Variants in PDXDC1 observed in about 807,000 individuals in gnomAD.
PDXDC1 encodes pyridoxal-dependent decarboxylase domain-containing protein 1.
PDXDC1 carries 42 observed loss-of-function variants against 100.1 expected under a neutral mutation model. The observed-to-expected ratio is 0.42, with a 90% CI of 0.33 to 0.54. The LOEUF (loss-of-function observed/expected upper bound fraction) is 0.54. Among genes scored for constraint, PDXDC1 ranks in the 20% least tolerant of loss-of-function variants. The probability of loss-of-function intolerance (pLI) is 0.10; values close to 1 mark genes in which losing one functional copy is unlikely to be tolerated. For synonymous variants in PDXDC1, 260 were observed against 371.7 expected (o/e 0.70, Z 3.46); for missense variants, 636 against 979.2 (o/e 0.65, Z 4.68).
intron 16 of PDXDC1, among the ~76,000 whole-genome samples, chr16:15,071,505 C>T (rs548278452): frequency 3.3e-5 from 5 of 152,320 alleles, no homozygotes; most frequent in East Asian, 1.9e-4. Context: ...CAGTGGCTCA[C>T]GCCTGTAATC....
rs889051470 is a variant in PDXDC1 at position 15,036,944 on chromosome 16, C to T, written c.*669C>T. 1.3e-5 allele frequency: 2 copies of T among 152,538 alleles called. No individual in the cohort carries two copies. Among genetic ancestry groups the T allele is most frequent in the Non-Finnish European group, 2.9e-5 (2 of 68,304 alleles). 9.4% of individuals were successfully genotyped at this position (152,538 alleles called of 1,614,324 possible). On this transcript the variant is annotated 3_prime_UTR_variant, in exon 23 of 23. Coordinates refer to ENST00000396410, the MANE Select transcript of PDXDC1 (RefSeq NM_015027.4). ...TTTGTAAAGAGAAACTGTAAAGTCT[C>T]CTCCTGACCATATATTTTTAAATAC...
At chr16:15,039,106 A>C (rs994093157), downstream of PDXDC1, among the ~76,000 whole-genome samples, 2 of 152,224 alleles carry the variant, frequency 1.3e-5, no homozygotes, top group Non-Finnish European at 2.9e-5. Flanking sequence ...AAAAGCATAC[A>C]GTGCCTGCTG....
intron 14 of PDXDC1, among the ~76,000 whole-genome samples, chr16:15,027,493 A>G (rs1233711111): frequency 6.6e-6 from 1 of 152,266 alleles, no homozygotes; most frequent in Non-Finnish European, 1.5e-5. Context: ...AATGTATCCC[A>G]GGTTCTTGTC....
chr16:15,073,338 T>TC (rs1282239467), intron 16 of PDXDC1, among the ~76,000 whole-genome samples: 1 of 152,142 alleles, frequency 6.6e-6, no homozygotes, highest in Non-Finnish European at 1.5e-5. Flanking sequence ...ACGCCTGTGA[T>TC]CCCAGCTACA....
Position 15,038,309 on chromosome 16 carries a change from A to G in PDXDC1, c.*2034A>G. The G allele has an allele frequency of 1.2e-6, 1 of 847,804 alleles. No individual in the cohort carries two copies. The allele number at this position is 847,804 out of a possible 1,614,324, so 52.5% of individuals were successfully genotyped here. A position where few individuals can be genotyped will look rare whatever the true frequency, so the allele number is the denominator to read the frequency against. ...TCTTTGTTCTTGGACACAAATATAT[A>G]TAATAAAATACGTTAAGAAATGAGG... On this transcript the variant is annotated 3_prime_UTR_variant, in exon 23 of 23. Coordinates refer to ENST00000396410, the MANE Select transcript of PDXDC1 (RefSeq NM_015027.4).
chr16:15,010,961 A>G (rs1182465327), intron 8 of PDXDC1, among the ~76,000 whole-genome samples: 2 of 152,302 alleles, frequency 1.3e-5, no homozygotes, highest in African/African-American at 2.4e-5. Context: ...GATATGCCAT[A>G]CACACGGGTT....
At chr16:15,041,355 C>G (rs983531791), downstream of PDXDC1, among the ~76,000 whole-genome samples, 6 of 152,110 alleles carry the variant, frequency 3.9e-5, no homozygotes, top group Non-Finnish European at 7.3e-5. Context: ...CTTCTCTGTG[C>G]ACCCTGTCTG....
At chr16:15,144,293 T>C (rs939288711), downstream of PDXDC1, among the ~76,000 whole-genome samples, 1 of 152,174 alleles carries the variant, frequency 6.6e-6, no homozygotes, top group Non-Finnish European at 1.5e-5. Flanking sequence ...CTCTGCGCTG[T>C]GCTCCTTTCT....
downstream of PDXDC1, chr16:15,038,733 CT>C: frequency 9.7e-7 from 1 of 1,029,372 alleles, no homozygotes; most frequent in Non-Finnish European, 1.5e-6. Context: ...ATGTCACCCA[CT>C]TTTCAAACCC....
intron 16 of PDXDC1, chr16:15,047,149 G>T (rs970313483): frequency 2.3e-6 from 1 of 438,040 alleles, no homozygotes; most frequent in Non-Finnish European, 4.1e-6. Flanking sequence ...ACACCCGGGG[G>T]AGAGCAAAAC....
intron 16 of PDXDC1, among the ~76,000 whole-genome samples, chr16:15,090,011 C>A (rs2046068604): frequency 6.6e-6 from 1 of 151,746 alleles, no homozygotes; most frequent in South Asian, 2.1e-4. Flanking sequence ...GAGTTCAAGA[C>A]CAGCCTGGCC....
chr16:15,063,865 T>G (rs1567184477), intron 16 of PDXDC1, among the ~76,000 whole-genome samples: 1 of 152,214 alleles, frequency 6.6e-6, no homozygotes, highest in African/African-American at 2.4e-5. Context: ...AAATTGTTTC[T>G]AAACTTTACA....
rs1390920574 is a variant in PDXDC1, at chr16:15,114,125, A to G, written c.1400-24754A>G. 4.7e-5 allele frequency among the ~76,000 whole-genome samples: 7 copies of G among 150,178 alleles called. No individual in the cohort carries two copies. In the East Asian group the frequency reaches 1.4e-3, roughly 29 times the overall value. On this transcript the variant is annotated intron_variant, in intron 16 of 16. Coordinates refer to the PDXDC1 transcript ENST00000535621. ...TTCCTTCCACCCATACGATAGAACT[A>G]TAAAGCAGAATAGTTTAGAAAGACT...
chr16:15,130,748 G>A lies in PDXDC1; in HGVS notation c.1400-8131G>A, dbSNP rs537694036. ...CATTGGGCCGGGGCTCCGAGTGCAG[G>A]TAGACTGCCAGGTAGGGCTCGGGTT... On this transcript the variant is annotated intron_variant, in intron 16 of 16. Transcript: ENST00000535621. The A allele has an allele frequency of 3.1e-5, 43 of 1,376,666 alleles. No homozygotes were observed. The Admixed American group carries it at 6.1e-4, about 19-fold the overall frequency. The allele number at this position is 1,376,666 out of a possible 1,614,324, so 85.3% of individuals were successfully genotyped here.
intron 16 of PDXDC1, chr16:15,094,522 T>A: frequency 2.0e-6 from 1 of 502,674 alleles, no homozygotes; most frequent in Non-Finnish European, 3.5e-6. Context: ...ACACCCTGGA[T>A]GTGCTAAGCT....
At chr16:15,077,560 G>C (rs2151793947) in intron 16 of PDXDC1, among the ~76,000 whole-genome samples, 1 of 152,130 alleles carries the variant, frequency 6.6e-6, no homozygotes, top group East Asian at 1.9e-4. Flanking sequence ...CCTCTTTTTT[G>C]GCCAGGTGCA....
At chr16:15,140,795 T>C (rs1346623993), downstream of PDXDC1, among the ~76,000 whole-genome samples, 1 of 151,964 alleles carries the variant, frequency 6.6e-6, no homozygotes, top group Non-Finnish European at 1.5e-5. Flanking sequence ...GCACCCCTCC[T>C]GGTCCCACGC....
chr16:15,128,584 A>G (rs931204943), intron 16 of PDXDC1, among the ~76,000 whole-genome samples: 1 of 152,172 alleles, frequency 6.6e-6, no homozygotes, highest in African/African-American at 2.4e-5. Context: ...CCTCAAGGAC[A>G]TGATTAAGTT....
intron 6 of PDXDC1, 31 bp downstream of exon 6, chr16:15,006,614 A>C (rs758592171): frequency 1.3e-6 from 2 of 1,500,282 alleles, no homozygotes; most frequent in Non-Finnish European, 1.8e-6. Context: ...TATTTTAAAG[A>C]AATAATGTCT....
Sources: allele counts gnomAD v4.1 joint callset (sites outside exome capture counted in the v4.1 genomes callset), GRCh38; gene constraint gnomAD v4.1.1; transcripts MANE v1.5; gene names NCBI Gene and HGNC (gene_info 2026-07-23, HGNC 2026-07-21).